SGCZ: variants seen among roughly 807,000 people sequenced by gnomAD.
SGCZ encodes sarcoglycan zeta, also known as zeta-sarcoglycan.
SGCZ carries 40 observed loss-of-function variants against 41.3 expected under a neutral mutation model. The ratio of observed to expected loss-of-function variants is 0.97; its 90% confidence interval spans 0.75 to 1.26. SGCZ has a LOEUF of 1.26. SGCZ is among the 50% of genes most tolerant of loss of function. The pLI, the probability that SGCZ is intolerant of heterozygous loss-of-function variation, is 0.00. For missense variants in SGCZ, 552 were observed against 369.8 expected (o/e 1.49, Z -4.04); for synonymous variants, 206 against 137.5 (o/e 1.50, Z -3.49).
chr8:15,167,083 T>C (rs1799687699), intron 1 of SGCZ, among the ~76,000 whole-genome samples: 1 of 152,198 alleles, frequency 6.6e-6, no homozygotes, highest in African/African-American at 2.4e-5. Flanking sequence ...TTGAGTAAGG[T>C]ATACCCCCGT....
At chr8:15,201,592 T>C (rs17575818) in intron 1 of SGCZ, among the ~76,000 whole-genome samples, 7,384 of 152,256 alleles carry the variant, frequency 0.048, 234 homozygotes, top group Middle Eastern at 0.068. Context: ...AGTTCATGCA[T>C]TGAGTCTGCA....
intron 2 of SGCZ, among the ~76,000 whole-genome samples, chr8:14,413,091 A>G (rs1364398701): frequency 1.3e-5 from 2 of 152,042 alleles, no homozygotes; most frequent in Admixed American, 6.6e-5. Flanking sequence ...CATTAAAAAA[A>G]TTGACCAAGT....
intron 1 of SGCZ, among the ~76,000 whole-genome samples, chr8:14,977,208 C>G (rs1021462673): frequency 6.6e-6 from 1 of 151,846 alleles, no homozygotes; most frequent in East Asian, 1.9e-4. Context: ...GGCGCTATGT[C>G]TTCTTCACAG....
intron 1 of SGCZ, among the ~76,000 whole-genome samples, chr8:14,710,529 T>A (rs1303367386): frequency 6.6e-6 from 1 of 152,074 alleles, no homozygotes. Context: ...GAAATTCCAG[T>A]CTTTATAAAG....
intron 1 of SGCZ, among the ~76,000 whole-genome samples, chr8:14,607,522 T>C (rs4240171): frequency 0.31 from 47,687 of 152,074 alleles, 8,031 homozygotes; most frequent in East Asian, 0.62. Flanking sequence ...CATTGATTCT[T>C]CATAACATTT....
intron 1 of SGCZ, among the ~76,000 whole-genome samples, chr8:15,156,002 G>T (rs985226908): frequency 2.1e-5 from 3 of 140,024 alleles, no homozygotes. Context: ...AGGTTGCAGT[G>T]AGCCAAGATC....
Position 14,389,596 on chromosome 8 carries a change from C to T in SGCZ, c.235-65392G>A, listed in dbSNP as rs185030130. Among the ~76,000 whole-genome samples the T allele has an allele frequency of 5.3e-5, 8 of 151,756 alleles. No homozygotes were observed. In the South Asian group the frequency reaches 1.2e-3, roughly 24 times the overall value. On this transcript the variant is annotated intron_variant, in intron 2 of 7. Coordinates refer to ENST00000382080, the MANE Select transcript of SGCZ (RefSeq NM_139167.4). ...TCTAATCAGGGTGAAAAATAAAGAT[C>T]GTCTTAGACAAAAGCTTAGAGAATT...
At chr8:14,391,726 A>G (rs1804783027) in intron 2 of SGCZ, among the ~76,000 whole-genome samples, 1 of 152,164 alleles carries the variant, frequency 6.6e-6, no homozygotes, top group Admixed American at 6.6e-5. Context: ...TAATATTACT[A>G]TAAAGAAATA....
intron 3 of SGCZ, among the ~76,000 whole-genome samples, chr8:14,292,805 A>C (rs1427008): frequency 6.6e-6 from 1 of 151,824 alleles, no homozygotes; most frequent in African/African-American, 2.4e-5. Flanking sequence ...TGAGAATTAC[A>C]TGAAAAAGTA....
At chr8:14,263,548 CA>C (rs1478964932) in intron 3 of SGCZ, among the ~76,000 whole-genome samples, 1 of 151,710 alleles carries the variant, frequency 6.6e-6, no homozygotes, top group Non-Finnish European at 1.5e-5. Context: ...GATTCTGTCT[CA>C]AAAAATACGT....
intron 5 of SGCZ, among the ~76,000 whole-genome samples, chr8:14,126,482 A>ACAAAG: frequency 6.6e-6 from 1 of 151,366 alleles, no homozygotes. Context: ...ACAAAACAAA[A>ACAAAG]CAAAACAAGA....
chr8:14,729,603 C>A (rs959149225), intron 1 of SGCZ, among the ~76,000 whole-genome samples: 4 of 152,112 alleles, frequency 2.6e-5, no homozygotes, highest in African/African-American at 9.7e-5. Context: ...ACCAACCTTG[C>A]TGGCACCTTG....
intron 1 of SGCZ, among the ~76,000 whole-genome samples, chr8:15,206,142 C>A (rs538119047): frequency 1.3e-5 from 2 of 152,212 alleles, no homozygotes; most frequent in Admixed American, 1.3e-4. Flanking sequence ...ATGAGTTTAC[C>A]TATGCAACAA....
chr8:14,618,128 C>T (rs1806166133), intron 1 of SGCZ, among the ~76,000 whole-genome samples: 1 of 152,024 alleles, frequency 6.6e-6, no homozygotes, highest in Non-Finnish European at 1.5e-5. Flanking sequence ...ATGCACTATT[C>T]TAGATACTTA....
intron 1 of SGCZ, among the ~76,000 whole-genome samples, chr8:15,044,599 C>A (rs138398685): frequency 4.6e-5 from 7 of 152,014 alleles, no homozygotes; most frequent in African/African-American, 1.7e-4. Flanking sequence ...GTGTAAGATG[C>A]AGTAAAACTC....
chr8:14,822,562 C>G (rs1802139720), intron 1 of SGCZ, among the ~76,000 whole-genome samples: 1 of 152,006 alleles, frequency 6.6e-6, no homozygotes, highest in African/African-American at 2.4e-5. Context: ...AATATCACAC[C>G]ACTTAACTTC....
At chr8:14,675,063 G>A (rs1318304895) in intron 1 of SGCZ, among the ~76,000 whole-genome samples, 2 of 148,096 alleles carry the variant, frequency 1.4e-5, no homozygotes, top group African/African-American at 4.9e-5. Context: ...TTCAGCCTCA[G>A]GAGTTGCTGG....
intron 1 of SGCZ, among the ~76,000 whole-genome samples, chr8:14,783,126 C>A (rs1333006221): frequency 1.3e-5 from 2 of 151,936 alleles, no homozygotes. Flanking sequence ...TTAGGGAATT[C>A]CAAGAGATAG....
intron 1 of SGCZ, among the ~76,000 whole-genome samples, chr8:14,654,064 C>A (rs760522244): frequency 1.3e-5 from 2 of 151,576 alleles, no homozygotes; most frequent in Non-Finnish European, 1.5e-5. Context: ...AAAGTTCCTG[C>A]CAAAATAATA....
Sources: gnomAD v4.1 joint callset for allele counts (sites outside exome capture counted in the v4.1 genomes callset) on GRCh38, gnomAD v4.1.1 for gene constraint, MANE v1.5 for transcripts, NCBI Gene and HGNC (gene_info 2026-07-23, HGNC 2026-07-21) for gene names.